The following ARL15 variants were observed in gnomAD, a reference collection of about 807,000 sequenced individuals.
ARL15 encodes the protein ADP-ribosylation factor-like protein 15.
ARL15 carries 19 observed loss-of-function variants against 25.2 expected under a neutral mutation model. That is an observed-to-expected ratio of 0.75 (90% CI 0.53 to 1.10). ARL15 has a LOEUF of 1.10. Among genes scored for constraint, ARL15 ranks in the 50% least tolerant of loss-of-function variants. The probability of loss-of-function intolerance (pLI) is 0.00; values close to 1 mark genes in which losing one functional copy is unlikely to be tolerated. For synonymous variants in ARL15, 94 were observed against 86.8 expected, an observed-to-expected ratio of 1.08 and a Z score of -0.46; for missense variants, 220 against 246.0, an observed-to-expected ratio of 0.89 and a Z score of 0.71.
intron 4 of ARL15, among the ~76,000 whole-genome samples, chr5:54,101,018 G>A (rs1268757918): frequency 6.6e-6 from 1 of 151,998 alleles, no homozygotes; most frequent in Non-Finnish European, 1.5e-5. Flanking sequence ...AAATGAAAAT[G>A]ATAGAAATAC....
chr5:53,973,133 G>A lies in ARL15; in HGVS notation c.463-86420C>T, dbSNP rs1747805538. ...AAGGAACTGCAATTTATAAAGCACA[G>A]CCGAGTATGAGAAATCGAAGCATAA... On this transcript the variant is annotated intron_variant, in intron 4 of 4. Transcript: ENST00000504924. Among the ~76,000 whole-genome samples the A allele has an allele frequency of 3.3e-5, 5 of 152,260 alleles. No homozygotes were observed. The South Asian group carries it at 1.0e-3, about 32-fold the overall frequency.
At chr5:54,044,356 G>T (rs1170468843) in intron 4 of ARL15, among the ~76,000 whole-genome samples, 1 of 149,048 alleles carries the variant, frequency 6.7e-6, no homozygotes, top group African/African-American at 2.5e-5. Context: ...CAATTCTCCT[G>T]CCTTAGCCTC....
intron 4 of ARL15, among the ~76,000 whole-genome samples, chr5:53,946,279 C>T (rs1746727113): frequency 6.6e-6 from 1 of 151,848 alleles, no homozygotes; most frequent in Admixed American, 6.6e-5. Context: ...CATGGCGAAG[C>T]CCCATCTGTA....
In ARL15 at chr5:54,123,815, T is replaced by C. The variant is rs2112252465; in HGVS notation, c.254-10405A>G. Reference sequence around the variant, plus strand: ...CTGTCTCAAGAGGCAAGTGGAACTCTCAAAATGAAATTAATTTTAATTAAC... The same window carrying C: ...CTGTCTCAAGAGGCAAGTGGAACTCCCAAAATGAAATTAATTTTAATTAAC... On this transcript the variant is annotated intron_variant, in intron 3 of 4. Transcript: ENST00000504924. 2.0e-5 allele frequency among the ~76,000 whole-genome samples: 3 copies of C among 152,330 alleles called. No homozygotes were observed. The South Asian group carries it at 6.2e-4, about 32-fold the overall frequency.
intron 4 of ARL15, among the ~76,000 whole-genome samples, chr5:53,907,427 G>A (rs572050465): frequency 1.2e-4 from 15 of 129,126 alleles, no homozygotes; most frequent in Non-Finnish European, 2.2e-4. Flanking sequence ...TGGGCATGGA[G>A]AAGAAGGTTG....
chr5:53,967,060 A>C (rs902993942), intron 4 of ARL15, among the ~76,000 whole-genome samples: 3 of 152,250 alleles, frequency 2.0e-5, no homozygotes, highest in Admixed American at 1.3e-4. Flanking sequence ...CTAAACTGGA[A>C]TATAAGTCAG....
intron 4 of ARL15, among the ~76,000 whole-genome samples, chr5:54,036,508 A>G (rs391470): frequency 0.31 from 47,706 of 152,022 alleles, 8,665 homozygotes; most frequent in African/African-American, 0.5. Context: ...CCTCTGATAA[A>G]AACGCTGAGG....
chr5:54,121,070 G>C (rs972224289), intron 3 of ARL15, among the ~76,000 whole-genome samples: 1 of 152,226 alleles, frequency 6.6e-6, no homozygotes, highest in East Asian at 1.9e-4. Context: ...ATAGCATAAA[G>C]TATAATTAGA....
At chr5:53,937,988 A>G (rs1323878720) in intron 4 of ARL15, among the ~76,000 whole-genome samples, 2 of 152,128 alleles carry the variant, frequency 1.3e-5, no homozygotes, top group Non-Finnish European at 2.9e-5. Flanking sequence ...ATCTGTGTTT[A>G]TATTCATTCT....
chr5:53,985,963 T>C (rs1197462574), intron 4 of ARL15, among the ~76,000 whole-genome samples: 2 of 152,190 alleles, frequency 1.3e-5, no homozygotes, highest in Non-Finnish European at 2.9e-5. Flanking sequence ...GTAGGAATTT[T>C]TCGGTGGGGC....
chr5:54,091,134 C>A (rs985066613), intron 4 of ARL15, among the ~76,000 whole-genome samples: 2 of 152,054 alleles, frequency 1.3e-5, no homozygotes, highest in Non-Finnish European at 2.9e-5. Flanking sequence ...TCTTTTTCTT[C>A]CACACTTTGG....
chr5:54,052,461 C>T (rs1750730926), intron 4 of ARL15, among the ~76,000 whole-genome samples: 1 of 152,122 alleles, frequency 6.6e-6, no homozygotes, highest in South Asian at 2.1e-4. Flanking sequence ...GTAAAGGAAA[C>T]TGTACGTAAG....
In ARL15 at chr5:54,296,939, T is replaced by C. The variant is rs3797226; in HGVS notation, c.48+13493A>G. On this transcript the variant is annotated intron_variant, in intron 1 of 4. Transcript: ENST00000504924. ...TGGAAAGGCTGGAGAGGGCAGGTAC[T>C]AGTGTGAGATGGGCTTATTGGAAAG... Among the ~76,000 whole-genome samples, 10 of 152,302 alleles carry C rather than the reference T, an allele frequency of 6.6e-5. No individual in the cohort carries two copies. The East Asian group carries it at 1.9e-3, about 29-fold the overall frequency.
chr5:54,127,124 G>A (rs1483903277), intron 3 of ARL15, among the ~76,000 whole-genome samples: 2 of 152,102 alleles, frequency 1.3e-5, no homozygotes, highest in African/African-American at 2.4e-5. Context: ...ATAGTTTACT[G>A]AGAATGATGA....
chr5:54,246,077 T>C (rs1363723258), intron 1 of ARL15, among the ~76,000 whole-genome samples: 1 of 152,024 alleles, frequency 6.6e-6, no homozygotes, highest in East Asian at 1.9e-4. Context: ...ATCCCTTAAA[T>C]CATAACAATA....
At chr5:53,894,272 A>G (rs1675272972) in intron 4 of ARL15, among the ~76,000 whole-genome samples, 1 of 152,206 alleles carries the variant, frequency 6.6e-6, no homozygotes, top group Non-Finnish European at 1.5e-5. Context: ...TGCTCTTACT[A>G]TAAGTCATCT....
intron 4 of ARL15, among the ~76,000 whole-genome samples, chr5:54,021,059 G>A (rs1265090738): frequency 1.3e-5 from 2 of 152,194 alleles, no homozygotes; most frequent in South Asian, 2.1e-4. Context: ...TTTAGGGCCA[G>A]GCACAGTGGC....
intron 4 of ARL15, among the ~76,000 whole-genome samples, chr5:54,043,030 T>G (rs900067778): frequency 6.6e-6 from 1 of 152,172 alleles, no homozygotes; most frequent in Non-Finnish European, 1.5e-5. Flanking sequence ...AACAGTACAA[T>G]TAAGTACTAA....
At chr5:54,035,446 C>T (rs988877372) in intron 4 of ARL15, among the ~76,000 whole-genome samples, 2 of 152,144 alleles carry the variant, frequency 1.3e-5, no homozygotes, top group African/African-American at 4.8e-5. Flanking sequence ...TTTCCTTAGG[C>T]AGTGTCAAAA....
Sources: gnomAD v4.1 joint callset for allele counts (sites outside exome capture counted in the v4.1 genomes callset) on GRCh38, gnomAD v4.1.1 for gene constraint, MANE v1.5 for transcripts, NCBI Gene and HGNC (gene_info 2026-07-23, HGNC 2026-07-21) for gene names.